SAMD3: variants seen among roughly 807,000 people sequenced by gnomAD.
The protein encoded by SAMD3 is sterile alpha motif domain containing 3, also known as sterile alpha motif domain-containing protein 3.
In SAMD3, 63 loss-of-function variants were observed where a neutral mutation model predicts 58.5. That is an observed-to-expected ratio of 1.08 (90% confidence interval 0.88 to 1.33). The LOEUF is 1.33. SAMD3 is among the 40% of genes most tolerant of loss of function. SAMD3 has a pLI of 0.00. For missense variants in SAMD3, 604 were observed against 608.4 expected, an observed-to-expected ratio of 0.99 and a Z score of 0.08; for synonymous variants, 220 against 210.3, an observed-to-expected ratio of 1.05 and a Z score of -0.40.
chr6:130,268,609 C>CTGTTTAG (rs1341682181), intron 2 of SAMD3, among the ~76,000 whole-genome samples: 1 of 152,058 alleles, frequency 6.6e-6, no homozygotes, highest in Non-Finnish European at 1.5e-5. Context: ...ATATTTTTAC[C>CTGTTTAG]ATACTTTTTC....
intron 7 of SAMD3, chr6:130,176,268 G>C (rs954799382): frequency 2.2e-6 from 1 of 464,920 alleles, no homozygotes; most frequent in Non-Finnish European, 3.9e-6. Context: ...ATGTCATATG[G>C]TTATTGAGTA....
intron 1 of SAMD3, among the ~76,000 whole-genome samples, chr6:130,338,271 G>A (rs1433627330): frequency 1.3e-5 from 2 of 152,230 alleles, no homozygotes; most frequent in Non-Finnish European, 2.9e-5. Flanking sequence ...GTCAAGAAAC[G>A]AGATTTGGGA....
intron 1 of SAMD3, among the ~76,000 whole-genome samples, chr6:130,220,715 A>C (rs1796184250): frequency 6.6e-6 from 1 of 152,236 alleles, no homozygotes; most frequent in African/African-American, 2.4e-5. Flanking sequence ...AAAAAGAACG[A>C]AAAATGCTTG....
At chr6:130,334,255 C>T (rs1777034848) in intron 1 of SAMD3, among the ~76,000 whole-genome samples, 1 of 152,104 alleles carries the variant, frequency 6.6e-6, no homozygotes, top group Non-Finnish European at 1.5e-5. Context: ...GAGGGAAACA[C>T]ATTTAAACAA....
At chr6:130,342,086 T>G (rs1327095810) in intron 1 of SAMD3, among the ~76,000 whole-genome samples, 1 of 152,176 alleles carries the variant, frequency 6.6e-6, no homozygotes, top group Non-Finnish European at 1.5e-5. Flanking sequence ...AGACATCAAG[T>G]TGTCAGGAAA....
chr6:130,194,863 C>T (rs4449652), intron 5 of SAMD3, among the ~76,000 whole-genome samples: 55,772 of 152,010 alleles, frequency 0.37, 10,490 homozygotes, highest in East Asian at 0.54. Context: ...ATCACAGATG[C>T]TCTAGGTAAC....
At chr6:130,212,848 TG>T (rs1291048395) in intron 4 of SAMD3, among the ~76,000 whole-genome samples, 3 of 152,366 alleles carry the variant, frequency 2.0e-5, no homozygotes, top group East Asian at 3.9e-4. Flanking sequence ...GAAATTACTT[TG>T]ATCTCTCTTT....
chr6:130,322,018 C>T (rs1004240439), intron 1 of SAMD3, among the ~76,000 whole-genome samples: 2 of 152,148 alleles, frequency 1.3e-5, no homozygotes, highest in South Asian at 2.1e-4. Flanking sequence ...GAGGAATAAG[C>T]AGAGAAGACA....
intron 1 of SAMD3, among the ~76,000 whole-genome samples, chr6:130,217,687 T>C (rs1378822744): frequency 6.6e-6 from 1 of 152,174 alleles, no homozygotes; most frequent in African/African-American, 2.4e-5. Flanking sequence ...ATATAAAACA[T>C]CATATAAAAC....
At chr6:130,269,664 CAG>C (rs1477289087) in intron 2 of SAMD3, among the ~76,000 whole-genome samples, 1 of 151,570 alleles carries the variant, frequency 6.6e-6, no homozygotes, top group Non-Finnish European at 1.5e-5. Flanking sequence ...TTCAAAGAAA[CAG>C]CACTTTTTTT....
chr6:130,149,729 G>A (rs1405582722), intron 9 of SAMD3, among the ~76,000 whole-genome samples: 1 of 152,162 alleles, frequency 6.6e-6, no homozygotes, highest in East Asian at 1.9e-4. Context: ...AGGGTGGGTG[G>A]AAGGTGAGGA....
At chr6:130,350,824 T>C (rs1359318537) in intron 1 of SAMD3, among the ~76,000 whole-genome samples, 1 of 152,166 alleles carries the variant, frequency 6.6e-6, no homozygotes, top group Non-Finnish European at 1.5e-5. Context: ...GACTTCAAAC[T>C]ATACTACAAG....
intron 5 of SAMD3, among the ~76,000 whole-genome samples, chr6:130,193,086 C>T (rs150011987): frequency 0.015 from 2,293 of 152,222 alleles, 55 homozygotes; most frequent in African/African-American, 0.052. Context: ...ATTGCAGGGA[C>T]GCCTCTCTGA....
At chr6:130,284,658 T>C (rs1300935678) in intron 2 of SAMD3, among the ~76,000 whole-genome samples, 1 of 152,098 alleles carries the variant, frequency 6.6e-6, no homozygotes, top group Admixed American at 6.5e-5. Flanking sequence ...TGGCATAAAA[T>C]GACTTAAAGT....
At chr6:130,261,777 A>G (rs942169125) in intron 2 of SAMD3, among the ~76,000 whole-genome samples, 3 of 152,200 alleles carry the variant, frequency 2.0e-5, no homozygotes, top group Non-Finnish European at 4.4e-5. Flanking sequence ...TGGGTTGGCC[A>G]TCAGAAGGAA....
At chr6:130,221,971 G>A (rs757479761) in intron 1 of SAMD3, among the ~76,000 whole-genome samples, 10 of 152,300 alleles carry the variant, frequency 6.6e-5, no homozygotes, top group Middle Eastern at 3.4e-3. Context: ...TGGAAAAGGT[G>A]AAAATTAGCA....
At chr6:130,324,214 T>C (rs1423244411) in intron 1 of SAMD3, among the ~76,000 whole-genome samples, 1 of 152,236 alleles carries the variant, frequency 6.6e-6, no homozygotes, top group African/African-American at 2.4e-5. Flanking sequence ...TGATCTAGGA[T>C]AGCAGGCTTT....
intron 5 of SAMD3, among the ~76,000 whole-genome samples, chr6:130,207,337 C>A (rs1013274313): frequency 6.6e-6 from 1 of 152,080 alleles, no homozygotes; most frequent in African/African-American, 2.4e-5. Flanking sequence ...TGTGCTTCCA[C>A]TCTGCTTGGA....
At chr6:130,336,449 A>C (rs6935211) in intron 1 of SAMD3, among the ~76,000 whole-genome samples, 1 of 151,968 alleles carries the variant, frequency 6.6e-6, no homozygotes, top group Non-Finnish European at 1.5e-5. Flanking sequence ...AAAGGAAGAG[A>C]ATTTACTACA....
Sources: gnomAD v4.1 joint callset for allele counts (sites outside exome capture counted in the v4.1 genomes callset) on GRCh38, gnomAD v4.1.1 for gene constraint, MANE v1.5 for transcripts, NCBI Gene and HGNC (gene_info 2026-07-23, HGNC 2026-07-21) for gene names.